The following IGFN1 variants were observed in gnomAD, a reference collection of about 807,000 sequenced individuals.
The protein encoded by IGFN1 is immunoglobulin-like and fibronectin type III domain-containing protein 1.
IGFN1 carries 253 observed loss-of-function variants against 289.5 expected under a neutral mutation model. That is an observed-to-expected ratio of 0.87 (90% confidence interval 0.79 to 0.97). The LOEUF is 0.97. Among genes scored for constraint, IGFN1 ranks in the 50% least tolerant of loss-of-function variants. The probability of loss-of-function intolerance (pLI) is 0.00; values close to 1 mark genes in which losing one functional copy is unlikely to be tolerated. For missense variants in IGFN1, 4,470 were observed against 4,686.1 expected, an observed-to-expected ratio of 0.95 and a Z score of 1.35; for synonymous variants, 1,706 against 1,788.5, an observed-to-expected ratio of 0.95 and a Z score of 1.16.
intron 17 of IGFN1, among the ~76,000 whole-genome samples, chr1:201,218,055 C>T (rs1314776979): frequency 6.6e-6 from 1 of 152,210 alleles, no homozygotes; most frequent in South Asian, 2.1e-4. Flanking sequence ...GCTCTGCATG[C>T]GTGCTGCGGA....
intron 9 of IGFN1, among the ~76,000 whole-genome samples, chr1:201,202,773 C>T (rs1306195732): frequency 2.4e-5 from 3 of 126,982 alleles, no homozygotes; most frequent in African/African-American, 8.8e-5. Context: ...TCCTTCCTTC[C>T]TTCCTTTCTT....
intron 1 of IGFN1, among the ~76,000 whole-genome samples, chr1:201,191,797 G>C (rs570899500): frequency 3.9e-5 from 6 of 152,138 alleles, no homozygotes; most frequent in Non-Finnish European, 8.8e-5. Context: ...GAGAAGAGTG[G>C]TATCAGCGTC....
In IGFN1 at chr1:201,215,652, GC is replaced by G; in HGVS notation, c.9110del (p.Ala3037ValfsTer44). 6.2e-7 allele frequency: 1 copy of G among 1,614,052 alleles called. No individual in the cohort carries two copies. Among genetic ancestry groups the G allele is most frequent in the East Asian group, 2.2e-5 (1 of 44,880 alleles). ...CTTCCAGAGCCACCTCCCCATTCAG[GC>G]TGCCTGGAGGAAGGACGGGGCTGAG... ...IPFQSHLPIQ[A>X]AWRKDGAEVV... On this transcript the variant is annotated frameshift_variant, in exon 15 of 24. Transcript: ENST00000335211. LOFTEE classifies it high-confidence loss of function.
Position 201,211,890 on chromosome 1 carries a change from G to T in IGFN1, c.6997G>T (p.Gly2333Trp). Residue 2333 changes from glycine (G) to tryptophan (W), a missense_variant, in exon 12 of 24, where the codon GGG becomes TGG. Gly to Trp is a radical substitution (Grantham distance 184). Around this residue, in one of 8 missense-constraint regions of IGFN1, gnomAD observed 2,218 missense variants for 2,114.1 expected, o/e 1.05. Transcript: ENST00000335211. ...AGGCTTTGGGGGAACTAGTGGCATG[G>T]GGTCAGGGAGTGAGGTCAGTTATAG... Reference protein sequence around the residue: ...RQGFGGTSGMGSGSEVSYRGG... With the variant: ...RQGFGGTSGMWSGSEVSYRGG... 1.3e-6 allele frequency: 2 copies of T among 1,530,534 alleles called. No individual in the cohort carries two copies. The highest frequency in any genetic ancestry group is 1.7e-6 in the Non-Finnish European group (2 of 1,143,384). 94.8% of individuals were successfully genotyped at this position (1,530,534 alleles called of 1,614,324 possible).
In IGFN1 at chr1:201,206,798, G is replaced by A. The variant is rs1234677280; in HGVS notation, c.1905G>A (p.Leu635=). 1 of 1,536,998 alleles carries A rather than the reference G, an allele frequency of 6.5e-7. No homozygotes were observed. The highest frequency in any genetic ancestry group is 8.7e-7 in the Non-Finnish European group (1 of 1,146,910). The stretch of plus-strand genomic sequence containing the variant: ...TAGAGATTTCACAGGATGACAGCCT[G>A]GCTGAGATGGACAGAGGGGATGCTC... ...KQIEISQDDS[L]AEMDRGDAPS... The change falls in exon 12 of 24, where the codon CTG becomes CTA. Residue 635 remains leucine (L), a synonymous_variant. Transcript: ENST00000335211.
chr1:201,217,504 G>C, intron 17 of IGFN1, 44 bp downstream of exon 17: 1 of 1,598,972 alleles, frequency 6.3e-7, no homozygotes. Flanking sequence ...GACCCCTCCT[G>C]GCTCCAGGAT....
chr1:201,218,800 C>G (rs1474125160), intron 18 of IGFN1, 142 bp downstream of exon 18: 3 of 828,526 alleles, frequency 3.6e-6, no homozygotes, highest in Non-Finnish European at 5.5e-6. Flanking sequence ...ATATAAAAAT[C>G]AAAAGGCCTC....
In IGFN1 at chr1:201,212,192, A is replaced by G; in HGVS notation, c.7299A>G (p.Ala2433=). ...EPGMAGMPGT[A]GGMAHRDSLR... is the part of the protein sequence containing the mutation. The stretch of plus-strand genomic sequence containing the variant: ...GGATGGCTGGAATGCCAGGCACTGC[A>G]GGTGGCATGGCACACAGAGACAGCC... The change falls in exon 12 of 24, where the codon GCA becomes GCG. Residue 2433 remains alanine (A), a synonymous_variant. Transcript: ENST00000335211. The G allele has an allele frequency of 2.6e-6, 4 of 1,535,342 alleles. No homozygotes were observed. The highest frequency in any genetic ancestry group is 3.5e-6 in the Non-Finnish European group (4 of 1,146,154).
chr1:201,202,690 CCTTT>C (rs1489653450), intron 9 of IGFN1, among the ~76,000 whole-genome samples: 9 of 150,140 alleles, frequency 6.0e-5, no homozygotes, highest in East Asian at 3.9e-4. Flanking sequence ...TCTTTCTTTC[CCTTT>C]CTTTCTTTTT....
rs139539548 is a variant in IGFN1, at chr1:201,204,076, C to A, written c.916+170C>A. On this transcript the variant is annotated intron_variant, in intron 10 of 23. Coordinates refer to ENST00000335211, the MANE Select transcript of IGFN1 (RefSeq NM_001164586.2). ...GCCAAATTTTGATGCTTTCTGTTTTCCAAAGCCTTGGTGCGAGTTATCTCT... is the reference window on the plus strand; with the variant it reads ...GCCAAATTTTGATGCTTTCTGTTTTACAAAGCCTTGGTGCGAGTTATCTCT... 7.9e-5 allele frequency among the ~76,000 whole-genome samples: 12 copies of A among 152,352 alleles called. No individual in the cohort carries two copies. In the East Asian group the frequency reaches 2.3e-3, roughly 29 times the overall value.
chr1:201,212,821 A>G lies in IGFN1; in HGVS notation c.7928A>G (p.Lys2643Arg), dbSNP rs1667889238. The change falls in exon 12 of 24, where the codon AAG (lysine) becomes AGG (arginine). Residue 2643 changes from lysine (K) to arginine (R), a missense_variant. Transcript: ENST00000335211. ...GFSQGSIDAG[K>R]QPAGSRASGS... The stretch of plus-strand genomic sequence containing the variant: ...AGCCAAGGCAGCATAGATGCTGGGA[A>G]GCAGCCCGCAGGCTCCAGAGCTTCC... 1 of 1,551,392 alleles carries G rather than the reference A, an allele frequency of 6.4e-7. No individual in the cohort carries two copies. Among genetic ancestry groups the G allele is most frequent in the South Asian group, 1.2e-5 (1 of 84,058 alleles).
intron 13 of IGFN1, among the ~76,000 whole-genome samples, chr1:201,214,524 TTCCACCA>T (rs1438257278): frequency 6.6e-6 from 1 of 152,186 alleles, no homozygotes; most frequent in Non-Finnish European, 1.5e-5. Context: ...CCCCTTGTTC[TTCCACCA>T]TCCAAAATGC....
chr1:201,203,349 G>C (rs1334308326), intron 9 of IGFN1, among the ~76,000 whole-genome samples: 2 of 152,186 alleles, frequency 1.3e-5, no homozygotes, highest in African/African-American at 4.8e-5. Context: ...GCAAGTTCCT[G>C]TTGGTGAATA....
Position 201,215,652 on chromosome 1 carries a change from G to A in IGFN1, c.9109G>A (p.Ala3037Thr), listed in dbSNP as rs775688858. 2 of 1,614,052 alleles carry A rather than the reference G, an allele frequency of 1.2e-6. No homozygotes were observed. Among genetic ancestry groups the A allele is most frequent in the Non-Finnish European group, 1.7e-6 (2 of 1,180,000 alleles). ...CTTCCAGAGCCACCTCCCCATTCAGGCTGCCTGGAGGAAGGACGGGGCTGA... is the reference window on the plus strand; with the variant it reads ...CTTCCAGAGCCACCTCCCCATTCAGACTGCCTGGAGGAAGGACGGGGCTGA... ...IPFQSHLPIQ[A>T]AWRKDGAEVV... Residue 3037 changes from alanine to threonine, a missense_variant, in exon 15 of 24, where the codon GCT becomes ACT. Physicochemically the swap from Ala to Thr is moderately conservative, Grantham distance 58. Coordinates refer to ENST00000335211, the MANE Select transcript of IGFN1 (RefSeq NM_001164586.2).
At position 201,215,020 on chromosome 1, in the gene IGFN1, C is replaced by T. The variant is rs1267489217; in HGVS notation, c.8861C>T (p.Thr2954Ile). Residue 2954 changes from threonine to isoleucine, a missense_variant, in exon 14 of 24, where the codon ACC becomes ATC. Coordinates refer to ENST00000335211, the MANE Select transcript of IGFN1 (RefSeq NM_001164586.2). ...CTGTGGCCCTGTCTCCAGCTCACCA[C>T]CCAGGATGGAGTCATCTTTAAGCAA... ...TWFKDGVKLTTQDGVIFKQDG... is the reference protein window; with the variant it reads ...TWFKDGVKLTIQDGVIFKQDG... 1 of 1,613,818 alleles carries T rather than the reference C, an allele frequency of 6.2e-7. No homozygotes were observed. The highest frequency in any genetic ancestry group is 1.7e-5 in the Admixed American group (1 of 59,992).
chr1:201,218,774 G>A, intron 18 of IGFN1, 116 bp downstream of exon 18: 2 of 1,008,794 alleles, frequency 2.0e-6, no homozygotes, highest in Non-Finnish European at 2.9e-6. Context: ...TGAGGGAGAT[G>A]GTCAGGAGGG....
At chr1:201,197,820 T>A (rs1405332148) in intron 5 of IGFN1, among the ~76,000 whole-genome samples, 1 of 152,208 alleles carries the variant, frequency 6.6e-6, no homozygotes, top group Non-Finnish European at 1.5e-5. Flanking sequence ...AGGAAGCAGG[T>A]CTAGTCTCGC....
Position 201,211,597 on chromosome 1 carries a change from G to T in IGFN1, c.6704G>T (p.Gly2235Val), listed in dbSNP as rs1406103407. Residue 2235 changes from glycine to valine, a missense_variant, in exon 12 of 24, where the codon GGT (glycine) becomes GTT (valine). Physicochemically the swap from Gly to Val is moderately radical, Grantham distance 109. Coordinates refer to ENST00000335211, the MANE Select transcript of IGFN1 (RefSeq NM_001164586.2). ...GSGSKAGFRD[G>V]LGSSGEMGSM... ...GGGAGTAAGGCAGGTTTCAGGGATGGTTTAGGGAGTTCTGGGGAAATGGGG... is the reference window on the plus strand; with the variant it reads ...GGGAGTAAGGCAGGTTTCAGGGATGTTTTAGGGAGTTCTGGGGAAATGGGG... 6.5e-6 allele frequency: 10 copies of T among 1,535,586 alleles called. No homozygotes were observed. In the South Asian group the frequency reaches 1.1e-4, roughly 16 times the overall value.
Position 201,227,116 on chromosome 1 carries a change from C to G in IGFN1, c.11021C>G (p.Pro3674Arg), listed in dbSNP as rs746163272. 2.3e-5 allele frequency: 37 copies of G among 1,613,438 alleles called. No individual in the cohort carries two copies. In the Admixed American group the frequency reaches 6.2e-4, roughly 27 times the overall value. The change falls in exon 23 of 24, where the codon CCC becomes CGC. Residue 3674 changes from proline (P) to arginine (R), a missense_variant. Pro to Arg is a moderately radical substitution (Grantham distance 103). This residue lies in a region of IGFN1 where 2,218 missense variants were observed against 2,114.1 expected (regional missense o/e 1.05). Coordinates refer to ENST00000335211, the MANE Select transcript of IGFN1 (RefSeq NM_001164586.2). Reference sequence around the variant, plus strand: ...CTGGGCGTGTGCTCCCTCACCATCCCCAGCGTATCCCCGAAGGACAGCGGG... The same window carrying G: ...CTGGGCGTGTGCTCCCTCACCATCCGCAGCGTATCCCCGAAGGACAGCGGG... The part of the protein sequence containing the change: ...DLLGVCSLTI[P>R]SVSPKDSGEY...
Sources: gnomAD v4.1 joint callset for allele counts (sites outside exome capture counted in the v4.1 genomes callset) on GRCh38, gnomAD v4.1.1 for gene constraint, gnomAD v4.1.1 regional missense constraint, MANE v1.5 for transcripts, NCBI Gene and HGNC (gene_info 2026-07-23, HGNC 2026-07-21) for gene names.